The following MYBL1 variants were observed in gnomAD, a reference collection of about 807,000 sequenced individuals.
MYBL1 encodes myb-related protein A.
Under a neutral mutation model 96.3 loss-of-function variants are expected in MYBL1, and 17 were observed. That is an observed-to-expected ratio of 0.18 (90% CI 0.12 to 0.26). The LOEUF is 0.26. Ranked by LOEUF, MYBL1 falls within the 10% of genes least tolerant of loss-of-function variation. The pLI is 1.00. For synonymous variants in MYBL1, 282 were observed against 292.7 expected, an observed-to-expected ratio of 0.96 and a Z score of 0.37; for missense variants, 701 against 882.9, an observed-to-expected ratio of 0.79 and a Z score of 2.61.
rs771839776 is a variant in MYBL1, at chr8:66,566,128, GTA to G, written c.2064_2065del (p.Leu690TyrfsTer2). ...AGGGTTTGGTTTCTTTTTAGTAAGT[GTA>G]TATGTTTTGTTGGTTGAATTTATAT... On this transcript the variant is annotated frameshift_variant, in exon 15 of 16. Coordinates refer to ENST00000522677, the MANE Select transcript of MYBL1 (RefSeq NM_001080416.4). LOFTEE classifies it high-confidence loss of function. The G allele has an allele frequency of 7.1e-6, 11 of 1,545,390 alleles. No individual in the cohort carries two copies. Among genetic ancestry groups the G allele is most frequent in the Non-Finnish European group, 8.8e-6 (10 of 1,141,062 alleles).
At chr8:66,600,245 A>G (rs1810016674) in intron 3 of MYBL1, among the ~76,000 whole-genome samples, 3 of 152,226 alleles carry the variant, frequency 2.0e-5, no homozygotes, top group Admixed American at 6.5e-5. Flanking sequence ...ACAGTTTACA[A>G]AATTGTTAGT....
Position 66,583,599 on chromosome 8 carries a change from C to A in MYBL1, c.868-3233G>T, listed in dbSNP as rs115858238. ...CAGACTAACCAAGAAAAAAAAAAGA[C>A]CCAAATAAATAAAATCAGAAACAAA... On this transcript the variant is annotated intron_variant, in intron 8 of 15. Coordinates refer to ENST00000522677, the MANE Select transcript of MYBL1 (RefSeq NM_001080416.4). Among the ~76,000 whole-genome samples the A allele has an allele frequency of 4.3e-4, 64 of 149,934 alleles. No homozygotes were observed. The East Asian group carries it at 6.3e-3, about 15-fold the overall frequency.
At chr8:66,578,627 T>C (rs1337595470) in intron 9 of MYBL1, among the ~76,000 whole-genome samples, 1 of 152,134 alleles carries the variant, frequency 6.6e-6, no homozygotes, top group Non-Finnish European at 1.5e-5. Flanking sequence ...TTTTACACTG[T>C]TGGTGGGACT....
Position 66,564,011 on chromosome 8 carries a change from T to C in MYBL1, c.*686A>G, listed in dbSNP as rs1163705772. The C allele has an allele frequency of 6.6e-6, 1 of 152,476 alleles. No homozygotes were observed. The highest frequency in any genetic ancestry group is 2.4e-5 in the African/African-American group (1 of 41,470). The allele number at this position is 152,476 out of a possible 1,614,324, so 9.4% of individuals were successfully genotyped here. On this transcript the variant is annotated 3_prime_UTR_variant, in exon 16 of 16. Coordinates refer to ENST00000522677, the MANE Select transcript of MYBL1 (RefSeq NM_001080416.4). ...TTTCCAATTTACAAAGTTCTCCTGC[T>C]CCTACATACTGTACAATACATTCAA...
chr8:66,590,954 G>C (rs971916620), intron 8 of MYBL1, among the ~76,000 whole-genome samples: 16 of 152,264 alleles, frequency 1.1e-4, no homozygotes, highest in African/African-American at 3.9e-4. Flanking sequence ...ACTAATTTGA[G>C]ATGATAGATA....
chr8:66,599,045 A>C lies in MYBL1; in HGVS notation c.291+5T>G. Reference sequence around the variant, plus strand: ...TAGTGAATATAAAGAATATGAACACATTACCCTCTGATCTTCTTCTTTAGT... The same window carrying C: ...TAGTGAATATAAAGAATATGAACACCTTACCCTCTGATCTTCTTCTTTAGT... On this transcript the variant is annotated splice_donor_5th_base_variant and intron_variant, in intron 4 of 15. Transcript: ENST00000522677. The C allele has an allele frequency of 6.4e-7, 1 of 1,565,520 alleles. No homozygotes were observed. Among genetic ancestry groups the C allele is most frequent in the Middle Eastern group, 1.7e-4 (1 of 5,882 alleles).
intron 10 of MYBL1, among the ~76,000 whole-genome samples, chr8:66,575,345 G>A (rs931744880): frequency 6.6e-6 from 1 of 152,188 alleles, no homozygotes; most frequent in South Asian, 2.1e-4. Context: ...CTATCGAACA[G>A]TAGTCAGTCA....
At position 66,580,386 on chromosome 8, in the gene MYBL1, T is replaced by G. The variant is rs1181982354; in HGVS notation, c.868-20A>C. 3 of 1,489,450 alleles carry G rather than the reference T, an allele frequency of 2.0e-6. No individual in the cohort carries two copies. Among genetic ancestry groups the G allele is most frequent in the East Asian group, 2.3e-5 (1 of 43,346 alleles). 92.3% of individuals were successfully genotyped at this position (1,489,450 alleles called of 1,614,324 possible). A position where few individuals can be genotyped will look rare whatever the true frequency, so the allele number is the denominator to read the frequency against. On this transcript the variant is annotated intron_variant, in intron 8 of 15. Coordinates refer to ENST00000522677, the MANE Select transcript of MYBL1 (RefSeq NM_001080416.4). ...AGGCTGCTAAAGGTACAAAAGAAAT[T>G]TGAATATTATTTGTCATTCTCAATG...
At chr8:66,610,988 A>G (rs1810506343) in intron 1 of MYBL1, among the ~76,000 whole-genome samples, 1 of 152,216 alleles carries the variant, frequency 6.6e-6, no homozygotes, top group African/African-American at 2.4e-5. Flanking sequence ...TACAATATTT[A>G]GATTTCAAGC....
At chr8:66,606,801 T>TC (rs1403484365) in intron 1 of MYBL1, among the ~76,000 whole-genome samples, 76 of 151,814 alleles carry the variant, frequency 5.0e-4, no homozygotes, top group Admixed American at 1.8e-3. Context: ...TTTTTTTTTT[T>TC]CTTTTTTGAG....
intron 1 of MYBL1, among the ~76,000 whole-genome samples, chr8:66,607,762 CATTTTA>C (rs1479622130): frequency 6.7e-6 from 1 of 149,762 alleles, no homozygotes; most frequent in Non-Finnish European, 1.5e-5. Flanking sequence ...CTGAAACAAA[CATTTTA>C]AATATTCAAT....
chr8:66,608,500 A>G (rs1810409904), intron 1 of MYBL1, among the ~76,000 whole-genome samples: 1 of 152,186 alleles, frequency 6.6e-6, no homozygotes, highest in Non-Finnish European at 1.5e-5. Flanking sequence ...CAAAAAAAAG[A>G]TCCTAGATAT....
chr8:66,595,550 T>A (rs1164185449), intron 6 of MYBL1, 33 bp downstream of exon 6: 3 of 1,335,208 alleles, frequency 2.2e-6, no homozygotes, highest in Non-Finnish European at 2.9e-6. Flanking sequence ...TTAAGAAAAT[T>A]TTTTAAATAA....
chr8:66,570,397 C>T (rs1808681373), intron 12 of MYBL1, among the ~76,000 whole-genome samples: 1 of 151,620 alleles, frequency 6.6e-6, no homozygotes, highest in Non-Finnish European at 1.5e-5. Flanking sequence ...GTAGCCTCCA[C>T]TTCCCAGGCT....
intron 8 of MYBL1, among the ~76,000 whole-genome samples, 163 bp downstream of exon 8, chr8:66,592,277 A>G (rs1809678284): frequency 6.6e-6 from 1 of 152,098 alleles, no homozygotes; most frequent in South Asian, 2.1e-4. Context: ...AAAGAAAAAG[A>G]AAAAAACAGG....
chr8:66,566,232 T>A lies in MYBL1; in HGVS notation c.1962A>T (p.Arg654Ser), dbSNP rs773484481. The change falls in exon 15 of 16, where the codon AGA (arginine) becomes AGT (serine). Residue 654 changes from arginine to serine, a missense_variant. Around this residue, in one of 5 missense-constraint regions of MYBL1, gnomAD observed 137 missense variants for 137.5 expected, o/e 1.00. Transcript: ENST00000522677. ...GTATCATTAATAAGGATGTAGTAAA[T>A]CTATTTTCTGACTAAGAGAGAAAAA... ...EDISDMQSEN[R>S]FTTSLLMIPL... 426 of 1,471,708 alleles carry A rather than the reference T, an allele frequency of 2.9e-4. No homozygotes were observed. Among genetic ancestry groups the A allele is most frequent in the Non-Finnish European group, 3.6e-4 (393 of 1,091,740 alleles). 91.2% of individuals were successfully genotyped at this position (1,471,708 alleles called of 1,614,324 possible).
At chr8:66,603,705 C>T (rs996339718) in intron 1 of MYBL1, among the ~76,000 whole-genome samples, 2 of 151,792 alleles carry the variant, frequency 1.3e-5, no homozygotes, top group Admixed American at 6.6e-5. Flanking sequence ...TTGCTCCACC[C>T]GCAATGCTGG....
At chr8:66,574,910 C>T (rs895135387) in intron 10 of MYBL1, among the ~76,000 whole-genome samples, 3 of 152,110 alleles carry the variant, frequency 2.0e-5, no homozygotes, top group Admixed American at 2.0e-4. Context: ...CAAAATTAGC[C>T]GGGCGTGGTG....
chr8:66,601,732 G>A lies in MYBL1; in HGVS notation c.164C>T (p.Thr55Ile). ...ACTAGCAATTAGAGTCCAATCATCA[G>A]TTCCATGTTGTTCAACCAACTTCTT... ...KLKKLVEQHG[T>I]DDWTLIASHL... is the part of the protein sequence containing the mutation. The change falls in exon 3 of 16, where the codon ACT becomes ATT. Residue 55 changes from threonine to isoleucine, a missense_variant. Thr to Ile is a moderately conservative substitution (Grantham distance 89). Coordinates refer to ENST00000522677, the MANE Select transcript of MYBL1 (RefSeq NM_001080416.4). 6.5e-7 allele frequency: 1 copy of A among 1,527,502 alleles called. No individual in the cohort carries two copies. Among genetic ancestry groups the A allele is most frequent in the Non-Finnish European group, 8.9e-7 (1 of 1,127,552 alleles). The allele number at this position is 1,527,502 out of a possible 1,614,324, so 94.6% of individuals were successfully genotyped here. A position where few individuals can be genotyped will look rare whatever the true frequency, so the allele number is the denominator to read the frequency against.
Sources: allele counts gnomAD v4.1 joint callset (sites outside exome capture counted in the v4.1 genomes callset), GRCh38; gene constraint gnomAD v4.1.1; regional missense constraint gnomAD v4.1.1; transcripts MANE v1.5; gene names NCBI Gene and HGNC (gene_info 2026-07-23, HGNC 2026-07-21).